The following MUC3A variants were observed in gnomAD, a reference collection of about 807,000 sequenced individuals.
MUC3A encodes mucin-3A.
MUC3A carries 109 observed loss-of-function variants against 109.0 expected under a neutral mutation model. That is an observed-to-expected ratio of 1.00 (90% CI 0.86 to 1.17). The LOEUF (loss-of-function observed/expected upper bound fraction) is 1.17. MUC3A is among the 50% of genes most tolerant of loss of function. The pLI, the probability that MUC3A is intolerant of heterozygous loss-of-function variation, is 0.00. For missense variants in MUC3A, 3,537 were observed against 2,469.4 expected, an observed-to-expected ratio of 1.43 and a Z score of -9.16; for synonymous variants, 1,398 against 981.4, an observed-to-expected ratio of 1.42 and a Z score of -7.93.
At position 100,967,183 on chromosome 7, in the gene MUC3A, C is replaced by G. The variant is rs764238662; in HGVS notation, c.*21C>G. ...TGTGAGCCCTGCGGGGCCCCTTCAC[C>G]ACCCCCTCCGCCCTGCCCCGGACAC... On this transcript the variant is annotated 3_prime_UTR_variant, in exon 12 of 12. Coordinates refer to ENST00000379458, the MANE Select transcript of MUC3A (RefSeq NM_005960.2). 2 of 1,598,386 alleles carry G rather than the reference C, an allele frequency of 1.3e-6. No homozygotes were observed. Among genetic ancestry groups the G allele is most frequent in the South Asian group, 2.2e-5 (2 of 91,090 alleles).
At position 100,959,677 on chromosome 7, in the gene MUC3A, G is replaced by A; in HGVS notation, c.7898G>A (p.Ser2633Asn). Residue 2633 changes from serine (S) to asparagine (N), a missense_variant, in exon 2 of 12, where the codon AGC (serine) becomes AAC (asparagine). Transcript: ENST00000379458. ...TCAACATCACAGGTTCCTATTCCTA[G>A]CACACATTCCTCCACCCTTCAAACA... ...IVSTSQVPIPSTHSSTLQTTP... is the reference protein window; with the variant it reads ...IVSTSQVPIPNTHSSTLQTTP... The A allele has an allele frequency of 6.3e-7, 1 of 1,598,524 alleles. No individual in the cohort carries two copies. The highest frequency in any genetic ancestry group is 8.5e-7 in the Non-Finnish European group (1 of 1,179,798).
Position 100,952,219 on chromosome 7 carries a change from C to A in MUC3A, c.440C>A (p.Thr147Asn). 2 of 1,598,554 alleles carry A rather than the reference C, an allele frequency of 1.3e-6. No homozygotes were observed. The highest frequency in any genetic ancestry group is 1.7e-6 in the Non-Finnish European group (2 of 1,179,800). ...TCCCACCCCACCTCCATCTGTGTGA[C>A]CACGACGCAGGTGGCCTTCACCAGC... The part of the protein sequence containing the change: ...TISHPTSICV[T>N]TTQVAFTSSY... Residue 147 changes from threonine (T) to asparagine (N), a missense_variant, in exon 2 of 12, where the codon ACC (threonine) becomes AAC (asparagine). By Grantham distance (65) the Thr-to-Asn change is moderately conservative. Transcript: ENST00000379458.
Position 100,958,295 on chromosome 7 carries a change from ACACAGGTGGG to A in MUC3A, c.6517_6526del (p.His2173GlyfsTer118), listed in dbSNP as rs1792155834. On this transcript the variant is annotated frameshift_variant, in exon 2 of 12. Coordinates refer to ENST00000379458, the MANE Select transcript of MUC3A (RefSeq NM_005960.2). LOFTEE classifies it high-confidence loss of function. The stretch of plus-strand genomic sequence containing the variant: ...TGATCACCACCACGGAGACCACCTC[ACACAGGTGGG>A]GGACCACCGAGACCACATCCTACAG... 200 of 108,570 alleles carry A rather than the reference ACACAGGTGGG, an allele frequency of 1.8e-3. No individual in the cohort carries two copies. In the African/African-American group the frequency reaches 0.064, roughly 35 times the overall value. The allele number at this position is 108,570 out of a possible 1,614,324, so 6.7% of individuals were successfully genotyped here.
In MUC3A at chr7:100,959,550, C is replaced by A; in HGVS notation, c.7771C>A (p.Gln2591Lys). The change falls in exon 2 of 12, where the codon CAA becomes AAA. Residue 2591 changes from glutamine (Q) to lysine (K), a missense_variant. Gln to Lys is a moderately conservative substitution (Grantham distance 53, BLOSUM62 1). Coordinates refer to ENST00000379458, the MANE Select transcript of MUC3A (RefSeq NM_005960.2). ...PPVLTSATGT[Q>K]TSPAPTTVTF... The stretch of plus-strand genomic sequence containing the variant: ...TGTACTGACGTCAGCCACTGGGACC[C>A]AAACATCTCCTGCACCTACTACTGT... 2 of 1,591,134 alleles carry A rather than the reference C, an allele frequency of 1.3e-6. No homozygotes were observed. The highest frequency in any genetic ancestry group is 1.1e-5 in the South Asian group (1 of 89,430).
At chr7:100,962,783 TTCTC>T (rs951821548) in intron 3 of MUC3A, among the ~76,000 whole-genome samples, 1 of 105,400 alleles carries the variant, frequency 9.5e-6, no homozygotes, top group Non-Finnish European at 2.0e-5. Context: ...CCTTCTTTCT[TTCTC>T]TTTCTTTCTT....
chr7:100,966,712 T>G lies in MUC3A; in HGVS notation c.9846T>G (p.Phe3282Leu). Residue 3282 changes from phenylalanine to leucine, a missense_variant, in exon 10 of 12, where the codon TTT (phenylalanine) becomes TTG (leucine). Coordinates refer to ENST00000379458, the MANE Select transcript of MUC3A (RefSeq NM_005960.2). ...ETWDEEVVGTFSNWGFEDDGT... is the reference protein window; with the variant it reads ...ETWDEEVVGTLSNWGFEDDGT... ...GGGATGAGGAAGTCGTGGGCACTTT[T>G]TCAAACTGGGGTTTCGAGGACGACG... 2 of 1,598,556 alleles carry G rather than the reference T, an allele frequency of 1.3e-6. No individual in the cohort carries two copies. Among genetic ancestry groups the G allele is most frequent in the Non-Finnish European group, 1.7e-6 (2 of 1,179,836 alleles).
chr7:100,961,081 G>C (rs10256487), intron 3 of MUC3A, 144 bp downstream of exon 3: 3 of 1,520,934 alleles, frequency 2.0e-6, no homozygotes, highest in East Asian at 2.4e-5. Flanking sequence ...CATGCCCTCC[G>C]CTGCCCTGTG....
chr7:100,959,568 A>T lies in MUC3A; in HGVS notation c.7789A>T (p.Thr2597Ser). 6.3e-7 allele frequency: 1 copy of T among 1,594,478 alleles called. No individual in the cohort carries two copies. Among genetic ancestry groups the T allele is most frequent in the Non-Finnish European group, 8.5e-7 (1 of 1,177,652 alleles). ...ATGTQTSPAPTTVTFGSTDSS... is the reference protein window; with the variant it reads ...ATGTQTSPAPSTVTFGSTDSS... Reference sequence around the variant, plus strand: ...TGGGACCCAAACATCTCCTGCACCTACTACTGTCACCTTTGGAAGTACGGA... The same window carrying T: ...TGGGACCCAAACATCTCCTGCACCTTCTACTGTCACCTTTGGAAGTACGGA... Residue 2597 changes from threonine (T) to serine (S), a missense_variant, in exon 2 of 12, where the codon ACT (threonine) becomes TCT (serine). Coordinates refer to ENST00000379458, the MANE Select transcript of MUC3A (RefSeq NM_005960.2).
chr7:100,952,833 G>T lies in MUC3A; in HGVS notation c.1054G>T (p.Ala352Ser), dbSNP rs77401364. ...STVTDSTTKI[A>S]YSTSMTGTLS... is the part of the protein sequence containing the mutation. ...TGTCACAGACTCCACTACCAAAATC[G>T]CCTACTCCACAAGTATGACAGGTAC... Residue 352 changes from alanine to serine, a missense_variant, in exon 2 of 12, where the codon GCC becomes TCC. Coordinates refer to ENST00000379458, the MANE Select transcript of MUC3A (RefSeq NM_005960.2). The T allele has an allele frequency of 7.3e-7, 1 of 1,368,356 alleles. No individual in the cohort carries two copies. Among genetic ancestry groups the T allele is most frequent in the Non-Finnish European group, 9.5e-7 (1 of 1,053,562 alleles). The allele number at this position is 1,368,356 out of a possible 1,614,324, so 84.8% of individuals were successfully genotyped here. A position where few individuals can be genotyped will look rare whatever the true frequency, so the allele number is the denominator to read the frequency against.
rs746732045 is a variant in MUC3A, at chr7:100,966,877, C to T, written c.9878-22C>T. ...GTCCCCTCCCTCTCCCCTTCTCTTT[C>T]TCCGCTCCTCTCTCTCTCTAGACAA... On this transcript the variant is annotated intron_variant, in intron 10 of 11. Transcript: ENST00000379458. 52 of 1,598,386 alleles carry T rather than the reference C, an allele frequency of 3.3e-5. No homozygotes were observed. The Admixed American group carries it at 5.8e-4, about 18-fold the overall frequency.
chr7:100,951,975 C>T lies in MUC3A; in HGVS notation c.196C>T (p.Pro66Ser), dbSNP rs1014229912. The change falls in exon 2 of 12, where the codon CCT becomes TCT. Residue 66 changes from proline (P) to serine (S), a missense_variant. Pro to Ser is a moderately conservative substitution (Grantham distance 74, BLOSUM62 -1). Transcript: ENST00000379458. The part of the protein sequence containing the change: ...WPLGVPQLAS[P>S]APGHRENAPM... ...ACTTGGTGTCCCCCAGCTCGCCTCT[C>T]CTGCTCCTGGCCACAGGGAAAATGC... 3 of 1,598,652 alleles carry T rather than the reference C, an allele frequency of 1.9e-6. No individual in the cohort carries two copies. The highest frequency in any genetic ancestry group is 1.3e-5 in the African/African-American group (1 of 75,080).
chr7:100,951,834 A>C lies in MUC3A; in HGVS notation c.62-7A>C, dbSNP rs1298343952. On this transcript the variant is annotated splice_region_variant and splice_polypyrimidine_tract_variant and intron_variant, in intron 1 of 11. Transcript: ENST00000379458. ...CAGTGGATTCCTCTGCTCTGCCGCC[A>C]ATGCAGGAACTTTATCCACGGCCAC... 2.5e-6 allele frequency: 4 copies of C among 1,594,664 alleles called. No homozygotes were observed. The highest frequency in any genetic ancestry group is 3.4e-6 in the Non-Finnish European group (4 of 1,176,366).
rs1345693512 is a variant in MUC3A, at chr7:100,960,344, A to G, written c.8565A>G (p.Val2855=). Residue 2855 remains valine, a synonymous_variant, in exon 2 of 12, where the codon GTA becomes GTG. Coordinates refer to ENST00000379458, the MANE Select transcript of MUC3A (RefSeq NM_005960.2). ...CCAGTTCCACTGGCACTGGGACTGT[A>G]CCCACAAACACAGTTTTCACAAGTA... ...NASSSTGTGT[V]PTNTVFTSTR... 6.3e-7 allele frequency: 1 copy of G among 1,598,552 alleles called. No individual in the cohort carries two copies. The highest frequency in any genetic ancestry group is 1.7e-5 in the Admixed American group (1 of 60,034).
At chr7:100,965,436 A>T in intron 7 of MUC3A, 89 bp downstream of exon 7, 1 of 1,543,480 alleles carries the variant, frequency 6.5e-7, no homozygotes, top group South Asian at 1.2e-5. Context: ...GTGGGCAGGG[A>T]GAGACCTTTG....
At position 100,954,660 on chromosome 7, in the gene MUC3A, C is replaced by A. The variant is rs904003033; in HGVS notation, c.2881C>A (p.Pro961Thr). 2 of 400,034 alleles carry A rather than the reference C, an allele frequency of 5.0e-6. No homozygotes were observed. The highest frequency in any genetic ancestry group is 4.4e-5 in the Admixed American group (1 of 22,810). 24.8% of individuals were successfully genotyped at this position (400,034 alleles called of 1,614,324 possible). A position where few individuals can be genotyped will look rare whatever the true frequency, so the allele number is the denominator to read the frequency against. ...TSFTTSTMME[P>T]PSSTVSTTGR... Reference sequence around the variant, plus strand: ...ATTTACCACATCCACAATGATGGAACCACCTTCATCCACTGTATCAACTAC... The same window carrying A: ...ATTTACCACATCCACAATGATGGAAACACCTTCATCCACTGTATCAACTAC... Residue 961 changes from proline to threonine, a missense_variant, in exon 2 of 12, where the codon CCA (proline) becomes ACA (threonine). Coordinates refer to ENST00000379458, the MANE Select transcript of MUC3A (RefSeq NM_005960.2).
chr7:100,966,418 G>C lies in MUC3A; in HGVS notation c.9644G>C (p.Gly3215Ala). The change falls in exon 9 of 12, where the codon GGC becomes GCC. Residue 3215 changes from glycine to alanine, a missense_variant. By Grantham distance (60) the Gly-to-Ala change is moderately conservative (BLOSUM62 0). Coordinates refer to ENST00000379458, the MANE Select transcript of MUC3A (RefSeq NM_005960.2). ...CYSTDTHWFSGPRCEVAVHWR... is the reference protein window; with the variant it reads ...CYSTDTHWFSAPRCEVAVHWR... The stretch of plus-strand genomic sequence containing the variant: ...TCCACCGACACGCACTGGTTCTCTG[G>C]CCCGCGCTGCGAGGTGGCCGTCCAC... 1 of 1,350,148 alleles carries C rather than the reference G, an allele frequency of 7.4e-7. No individual in the cohort carries two copies. The highest frequency in any genetic ancestry group is 3.0e-5 in the Admixed American group (1 of 33,186). 83.6% of individuals were successfully genotyped at this position (1,350,148 alleles called of 1,614,324 possible). A position where few individuals can be genotyped will look rare whatever the true frequency, so the allele number is the denominator to read the frequency against.
At chr7:100,965,213 GGCGCTAA>G in intron 6 of MUC3A, 62 bp from the exon 7 acceptor site, 2 of 1,571,710 alleles carry the variant, frequency 1.3e-6, no homozygotes, top group South Asian at 2.3e-5. Flanking sequence ...CCTGCCTCCT[GGCGCTAA>G]CCCCTTGACC....
In MUC3A at chr7:100,958,741, C is replaced by G. The variant is rs1584804081; in HGVS notation, c.6962C>G (p.Ala2321Gly). ...ACCACGGAGACCACCTCACACAGTG[C>G]TCACAGCTTCACTTCTTCGATCACC... is the stretch of plus-strand genomic sequence containing the variant. The part of the protein sequence containing the change: ...ITTTETTSHS[A>G]HSFTSSITTT... The change falls in exon 2 of 12, where the codon GCT becomes GGT. Residue 2321 changes from alanine to glycine, a missense_variant. Transcript: ENST00000379458. 58 of 1,504,612 alleles carry G rather than the reference C, an allele frequency of 3.9e-5. No individual in the cohort carries two copies. The highest frequency in any genetic ancestry group is 5.2e-5 in the Non-Finnish European group (58 of 1,114,920). The allele number at this position is 1,504,612 out of a possible 1,614,324, so 93.2% of individuals were successfully genotyped here. A position where few individuals can be genotyped will look rare whatever the true frequency, so the allele number is the denominator to read the frequency against.
chr7:100,964,032 G>A (rs1441990247), intron 5 of MUC3A: 9 of 594,778 alleles, frequency 1.5e-5, no homozygotes, highest in Admixed American at 5.9e-5. Context: ...CCCTCTGGCT[G>A]GCCCCTGCTC....
Sources: allele counts gnomAD v4.1 joint callset (sites outside exome capture counted in the v4.1 genomes callset), GRCh38; gene constraint gnomAD v4.1.1; transcripts MANE v1.5; gene names NCBI Gene and HGNC (gene_info 2026-07-23, HGNC 2026-07-21).